The following DNAH7 variants were observed in gnomAD, a reference collection of about 807,000 sequenced individuals.
DNAH7 encodes the protein dynein axonemal heavy chain 7.
Under a neutral mutation model 444.6 loss-of-function variants are expected in DNAH7, and 397 were observed. That is an observed-to-expected ratio of 0.89 (90% CI 0.82 to 0.97). The LOEUF is 0.97. Ranked by LOEUF, DNAH7 falls within the 50% of genes least tolerant of loss-of-function variation. The pLI, the probability that DNAH7 is intolerant of heterozygous loss-of-function variation, is 0.00. For missense variants in DNAH7, 4,902 were observed against 4,800.8 expected, an observed-to-expected ratio of 1.02 and a Z score of -0.62; for synonymous variants, 1,636 against 1,624.4, an observed-to-expected ratio of 1.01 and a Z score of -0.17.
chr2:195,941,865 G>T (rs1689473928), intron 19 of DNAH7, among the ~76,000 whole-genome samples: 1 of 151,942 alleles, frequency 6.6e-6, no homozygotes, highest in South Asian at 2.1e-4. Context: ...TAAATCTCAG[G>T]GCCCATTTGC....
chr2:195,987,312 A>C (rs939345724), intron 13 of DNAH7, 119 bp from the exon 14 acceptor site: 18 of 663,848 alleles, frequency 2.7e-5, no homozygotes, highest in Non-Finnish European at 3.8e-5. Context: ...GAGATTTTTA[A>C]AAATATATAT....
chr2:195,786,492 G>C (rs776012042), intron 58 of DNAH7, among the ~76,000 whole-genome samples: 1 of 152,014 alleles, frequency 6.6e-6, no homozygotes, highest in Non-Finnish European at 1.5e-5. Context: ...GCTGAAATGT[G>C]GTCTATGTGA....
intron 36 of DNAH7, among the ~76,000 whole-genome samples, chr2:195,877,549 C>G (rs1424729936): frequency 6.6e-6 from 1 of 152,138 alleles, no homozygotes; most frequent in Non-Finnish European, 1.5e-5. Flanking sequence ...TGATTATACA[C>G]TAAACATTAC....
At position 196,015,197 on chromosome 2, in the gene DNAH7, T is replaced by C. The variant is rs1025750873; in HGVS notation, c.870-2291A>G. 3.9e-5 allele frequency among the ~76,000 whole-genome samples: 6 copies of C among 152,304 alleles called. No homozygotes were observed. The East Asian group carries it at 9.6e-4, about 24-fold the overall frequency. On this transcript the variant is annotated intron_variant, in intron 9 of 64. Transcript: ENST00000312428. ...CAAGCCTTACTAATAAAATGGGATA[T>C]CAAATTTTGTAATTTGTGGGGAAAA... is the stretch of plus-strand genomic sequence containing the variant.
At chr2:195,770,440 A>G (rs1159123573) in intron 61 of DNAH7, among the ~76,000 whole-genome samples, 2 of 151,994 alleles carry the variant, frequency 1.3e-5, no homozygotes, top group African/African-American at 4.8e-5. Context: ...GGTCTGTCTC[A>G]TGCTCACTCC....
intron 41 of DNAH7, among the ~76,000 whole-genome samples, chr2:195,863,424 T>C (rs1178093399): frequency 6.6e-6 from 1 of 152,150 alleles, no homozygotes; most frequent in East Asian, 1.9e-4. Context: ...TATTCACATC[T>C]AGCTAGTTAC....
Position 196,000,774 on chromosome 2 carries a change from T to C in DNAH7, c.1283A>G (p.Asn428Ser), listed in dbSNP as rs192661208. ...AGCTTTAATCATGACGTCATAAACA[T>C]TTAGAAAGATATCTATATAGTCACT... ...ELSDYIDIFL[N>S]VYDVMIKAVS... The change falls in exon 12 of 65, where the codon AAT becomes AGT. Residue 428 changes from asparagine to serine, a missense_variant. Physicochemically the swap from Asn to Ser is conservative, Grantham distance 46. Transcript: ENST00000312428. The C allele has an allele frequency of 8.7e-5, 140 of 1,602,872 alleles. No individual in the cohort carries two copies. In the African/African-American group the frequency reaches 1.6e-3, roughly 18 times the overall value.
chr2:195,998,900 A>T lies in DNAH7; in HGVS notation c.1353+1804T>A, dbSNP rs1693867255. The T allele has an allele frequency of 6.1e-6, 3 of 492,818 alleles. No homozygotes were observed. In the East Asian group the frequency reaches 8.9e-5, roughly 15 times the overall value. The allele number at this position is 492,818 out of a possible 1,614,324, so 30.5% of individuals were successfully genotyped here. On this transcript the variant is annotated intron_variant, in intron 12 of 64. Transcript: ENST00000312428. Reference sequence around the variant, plus strand: ...ATAGCTAAGGAAATAACAACAAAAAAAAAAGTCTAAGGGACCAAAATGAGA... The same window carrying T: ...ATAGCTAAGGAAATAACAACAAAAATAAAAGTCTAAGGGACCAAAATGAGA...
chr2:195,789,676 G>T (rs911638573), intron 57 of DNAH7, among the ~76,000 whole-genome samples: 4 of 152,026 alleles, frequency 2.6e-5, no homozygotes, highest in Non-Finnish European at 4.4e-5. Context: ...ATGGCATCAT[G>T]TGCCTCCAGA....
intron 27 of DNAH7, chr2:195,901,538 GT>G (rs1331113132): frequency 6.6e-6 from 1 of 152,032 alleles, no homozygotes; most frequent in East Asian, 1.9e-4. Context: ...GAAGCAACAT[GT>G]TACAGAACCT....
At chr2:195,951,069 G>A (rs1690220378) in intron 19 of DNAH7, among the ~76,000 whole-genome samples, 1 of 152,022 alleles carries the variant, frequency 6.6e-6, no homozygotes, top group Non-Finnish European at 1.5e-5. Flanking sequence ...TTTCTCCTGT[G>A]AGCATTTAGT....
chr2:195,797,579 T>C (rs1000655485), intron 55 of DNAH7, among the ~76,000 whole-genome samples: 9 of 152,186 alleles, frequency 5.9e-5, no homozygotes, highest in Non-Finnish European at 4.4e-5. Context: ...GTCAAGCTTG[T>C]GTTGACTAGG....
At chr2:195,987,728 C>T (rs935461947) in intron 13 of DNAH7, among the ~76,000 whole-genome samples, 1 of 152,038 alleles carries the variant, frequency 6.6e-6, no homozygotes, top group African/African-American at 2.4e-5. Context: ...AAATACGTGT[C>T]AGAGTTGCGG....
At position 195,834,269 on chromosome 2, in the gene DNAH7, T is replaced by C; in HGVS notation, c.9037A>G (p.Ile3013Val). ...NMEKANSLYV[I>V]KLSEPDYVRT... ...ACATAGTCAGGTTCACTAAGTTTAA[T>C]CACATAAAGACTATTGGCTTTTTCC... Residue 3013 changes from isoleucine (I) to valine (V), a missense_variant, in exon 48 of 65, where the codon ATT becomes GTT. Transcript: ENST00000312428. The C allele has an allele frequency of 1.9e-6, 3 of 1,609,222 alleles. No individual in the cohort carries two copies. Among genetic ancestry groups the C allele is most frequent in the Non-Finnish European group, 2.6e-6 (3 of 1,176,138 alleles).
At chr2:195,802,350 A>T (rs1696503838) in intron 54 of DNAH7, among the ~76,000 whole-genome samples, 1 of 152,186 alleles carries the variant, frequency 6.6e-6, no homozygotes, top group Non-Finnish European at 1.5e-5. Context: ...GTCTCTACTA[A>T]AAATATGGGT....
intron 36 of DNAH7, among the ~76,000 whole-genome samples, chr2:195,877,457 C>T (rs2125152972): frequency 6.6e-6 from 1 of 152,310 alleles, no homozygotes; most frequent in African/African-American, 2.4e-5. Context: ...TTGCAGCATT[C>T]AGCTTTATAA....
At chr2:195,957,010 A>G (rs572933142) in intron 19 of DNAH7, among the ~76,000 whole-genome samples, 62 of 152,198 alleles carry the variant, frequency 4.1e-4, no homozygotes, top group Non-Finnish European at 7.1e-4. Flanking sequence ...ATAAGAACCA[A>G]TAACAGAACC....
At chr2:196,046,430 A>G (rs1380382348) in intron 5 of DNAH7, among the ~76,000 whole-genome samples, 1 of 147,782 alleles carries the variant, frequency 6.8e-6, no homozygotes, top group Non-Finnish European at 1.5e-5. Context: ...CTCCAGGTAG[A>G]AAAAAAAAAA....
chr2:195,768,116 C>T (rs1405676903), intron 61 of DNAH7, among the ~76,000 whole-genome samples: 1 of 149,566 alleles, frequency 6.7e-6, no homozygotes, highest in Admixed American at 6.7e-5. Flanking sequence ...GGGGTATAAG[C>T]AAGCATTATT....
Sources: allele counts gnomAD v4.1 joint callset (sites outside exome capture counted in the v4.1 genomes callset), GRCh38; gene constraint gnomAD v4.1.1; transcripts MANE v1.5; gene names NCBI Gene and HGNC (gene_info 2026-07-23, HGNC 2026-07-21).